The following MGRN1 variants were observed in gnomAD, a reference collection of about 807,000 sequenced individuals.
MGRN1 encodes mahogunin ring finger 1, also known as E3 ubiquitin-protein ligase MGRN1.
In MGRN1, 29 loss-of-function variants were observed where a neutral mutation model predicts 69.2. The ratio of observed to expected loss-of-function variants is 0.42; its 90% CI spans 0.31 to 0.57. The LOEUF (loss-of-function observed/expected upper bound fraction) is 0.57. MGRN1 is among the 20% of genes least tolerant of loss of function. The pLI, the probability that MGRN1 is intolerant of heterozygous loss-of-function variation, is 0.15. For synonymous variants in MGRN1, 470 were observed against 344.2 expected (o/e 1.37, Z -4.04); for missense variants, 998 against 796.2 (o/e 1.25, Z -3.05).
At chr16:4,625,181 G>A in intron 1 of MGRN1, 133 bp downstream of exon 1, 1 of 813,010 alleles carries the variant, frequency 1.2e-6, no homozygotes, top group Non-Finnish European at 1.7e-6. Context: ...CCGAGCCTTC[G>A]CGCGGCCCCA....
At chr16:4,674,867 C>T (rs1008302393) in intron 10 of MGRN1, among the ~76,000 whole-genome samples, 1 of 151,064 alleles carries the variant, frequency 6.6e-6, no homozygotes, top group Non-Finnish European at 1.5e-5. Flanking sequence ...GTCTCGATCT[C>T]CTGACCTCAT....
chr16:4,643,591 C>A (rs1461025678), intron 1 of MGRN1, among the ~76,000 whole-genome samples: 2 of 151,910 alleles, frequency 1.3e-5, no homozygotes, highest in African/African-American at 4.8e-5. Flanking sequence ...CCAGGATGGT[C>A]TCCATCTCCT....
chr16:4,655,417 T>C (rs146255019), intron 4 of MGRN1, among the ~76,000 whole-genome samples: 32 of 151,990 alleles, frequency 2.1e-4, no homozygotes, highest in African/African-American at 7.2e-4. Context: ...AGTCCCCCCC[T>C]CTCAGGACCT....
At chr16:4,651,743 T>C (rs60799308) in intron 2 of MGRN1, among the ~76,000 whole-genome samples, 20,308 of 152,044 alleles carry the variant, frequency 0.13, 3,028 homozygotes, top group African/African-American at 0.37. Flanking sequence ...GCTGCCTGGC[T>C]GGATTTGCTC....
intron 12 of MGRN1, 188 bp from the exon 13 acceptor site, chr16:4,681,362 C>A: frequency 1.7e-6 from 1 of 595,092 alleles, no homozygotes; most frequent in South Asian, 2.2e-5. Flanking sequence ...GGGCATCCAG[C>A]CCCGTGCTGG....
chr16:4,659,707 T>C (rs2078632923), intron 5 of MGRN1, among the ~76,000 whole-genome samples: 1 of 152,242 alleles, frequency 6.6e-6, no homozygotes, highest in Admixed American at 6.5e-5. Context: ...TGCGGGGCCT[T>C]CAAGGTGCTA....
chr16:4,658,112 C>G (rs1596290312), intron 5 of MGRN1, among the ~76,000 whole-genome samples: 1 of 152,044 alleles, frequency 6.6e-6, no homozygotes, highest in African/African-American at 2.4e-5. Flanking sequence ...CTAGTTGCTC[C>G]TCCTAGGCCC....
chr16:4,659,055 C>T (rs1567203195), intron 5 of MGRN1: 1 of 151,978 alleles, frequency 6.6e-6, no homozygotes, highest in East Asian at 1.9e-4. Context: ...GGGTGAAAAC[C>T]GAACAGATCA....
chr16:4,627,520 G>A (rs746286254), intron 1 of MGRN1, among the ~76,000 whole-genome samples: 1 of 152,268 alleles, frequency 6.6e-6, no homozygotes, highest in Non-Finnish European at 1.5e-5. Flanking sequence ...AGGCGCGGTG[G>A]CTCACGCCTA....
chr16:4,664,883 C>T (rs2078765208), intron 6 of MGRN1, 108 bp downstream of exon 6: 1 of 1,437,016 alleles, frequency 7.0e-7, no homozygotes, highest in African/African-American at 1.4e-5. Context: ...AGGCATAGGG[C>T]CTTGGGCTTC....
chr16:4,685,473 C>T (rs976999973), intron 16 of MGRN1, among the ~76,000 whole-genome samples: 4 of 152,156 alleles, frequency 2.6e-5, no homozygotes, highest in Middle Eastern at 3.2e-3. Flanking sequence ...TCTGTGGAGG[C>T]GGTAGAGGAG....
At chr16:4,679,586 C>T (rs934434036) in intron 11 of MGRN1, among the ~76,000 whole-genome samples, 1 of 152,212 alleles carries the variant, frequency 6.6e-6, no homozygotes, top group Admixed American at 6.5e-5. Flanking sequence ...CTCCCCAGCC[C>T]TCTTGAGGGG....
chr16:4,668,410 C>A (rs542701692), intron 8 of MGRN1, 98 bp downstream of exon 8: 5 of 1,271,836 alleles, frequency 3.9e-6, no homozygotes, highest in East Asian at 2.3e-5. Flanking sequence ...CTCATACACA[C>A]GCACATATAC....
chr16:4,670,054 T>C (rs2078903606), intron 8 of MGRN1, among the ~76,000 whole-genome samples: 1 of 151,908 alleles, frequency 6.6e-6, no homozygotes, highest in Non-Finnish European at 1.5e-5. Context: ...TTTAATTTAA[T>C]TTTAATTTTA....
intron 16 of MGRN1, chr16:4,687,264 G>T: frequency 1.0e-6 from 1 of 985,358 alleles, no homozygotes; most frequent in Non-Finnish European, 1.2e-6. Context: ...TACAGAAGGC[G>T]GCTCTGTCCA....
intron 1 of MGRN1, among the ~76,000 whole-genome samples, chr16:4,643,965 GT>G (rs935252382): frequency 6.2e-4 from 91 of 146,478 alleles, no homozygotes; most frequent in African/African-American, 2.3e-3. Flanking sequence ...CTCAATGCTA[GT>G]TTTTTTTGTT....
chr16:4,672,315 G>A (rs1208112368), intron 9 of MGRN1: 1 of 456,374 alleles, frequency 2.2e-6, no homozygotes, highest in East Asian at 6.9e-5. Flanking sequence ...CCAAAGTGCT[G>A]GGATTTCAGG....
Position 4,652,663 on chromosome 16 carries a change from C to T in MGRN1, c.297-15C>T, listed in dbSNP as rs2078435008. 1.9e-6 allele frequency: 3 copies of T among 1,597,624 alleles called. No homozygotes were observed. The highest frequency in any genetic ancestry group is 2.6e-6 in the Non-Finnish European group (3 of 1,169,322). ...GCCGCTGACCCGCTGCCTTTCTCTC[C>T]ACCGCCTGGGGTAGGTACAAAGACG... On this transcript the variant is annotated splice_polypyrimidine_tract_variant and intron_variant, in intron 3 of 16. Transcript: ENST00000262370.
At chr16:4,654,992 C>G (rs924298189) in intron 4 of MGRN1, among the ~76,000 whole-genome samples, 30 of 152,212 alleles carry the variant, frequency 2.0e-4, no homozygotes, top group African/African-American at 6.3e-4. Flanking sequence ...TAATGCATGC[C>G]TGTGTGCTAT....
Sources: allele counts gnomAD v4.1 joint callset (sites outside exome capture counted in the v4.1 genomes callset), GRCh38; gene constraint gnomAD v4.1.1; transcripts MANE v1.5; gene names NCBI Gene and HGNC (gene_info 2026-07-23, HGNC 2026-07-21).